The following TTL variants were observed in gnomAD, a reference collection of about 807,000 sequenced individuals.
TTL encodes the protein tubulin--tyrosine ligase.
Under a neutral mutation model 41.1 loss-of-function variants are expected in TTL, and 10 were observed. The ratio of observed to expected loss-of-function variants is 0.24; its 90% CI spans 0.15 to 0.41. The LOEUF (loss-of-function observed/expected upper bound fraction) is 0.41, where lower values mean the gene tolerates loss of function less well. TTL is among the 10% of genes least tolerant of loss of function. The probability of loss-of-function intolerance (pLI) is 1.00; values close to 1 mark genes in which losing one functional copy is unlikely to be tolerated. For missense variants in TTL, 367 were observed against 460.4 expected (o/e 0.80, Z 1.86); for synonymous variants, 175 against 175.5 (o/e 1.00, Z 0.02).
intron 6 of TTL, among the ~76,000 whole-genome samples, chr2:112,522,758 C>T (rs1055725759): frequency 3.9e-5 from 6 of 152,186 alleles, no homozygotes; most frequent in African/African-American, 1.2e-4. Context: ...AGTGATCCTG[C>T]CTCTGCCTTC....
intron 2 of TTL, among the ~76,000 whole-genome samples, chr2:112,488,635 G>A (rs1436250909): frequency 6.6e-6 from 1 of 152,032 alleles, no homozygotes; most frequent in Non-Finnish European, 1.5e-5. Context: ...GTGGGTACCT[G>A]TAATCCCAGC....
chr2:112,530,386 C>T lies in TTL; in HGVS notation c.*1591C>T, dbSNP rs981394226. The T allele has an allele frequency of 4.8e-5, 11 of 230,390 alleles. No homozygotes were observed. The highest frequency in any genetic ancestry group is 2.5e-4 in the East Asian group (4 of 16,322). 14.3% of individuals were successfully genotyped at this position (230,390 alleles called of 1,614,324 possible). ...TGGCTCTCATGGAAATTTGGAATTA[C>T]AAAATAAACGTCCTGGGGGTTACCC... is the stretch of plus-strand genomic sequence containing the variant. On this transcript the variant is annotated 3_prime_UTR_variant, in exon 7 of 7. Transcript: ENST00000233336.
chr2:112,482,512 C>T lies in TTL; in HGVS notation c.157+11C>T. 1.9e-6 allele frequency: 3 copies of T among 1,590,004 alleles called. No homozygotes were observed. Among genetic ancestry groups the T allele is most frequent in the South Asian group, 2.3e-5 (2 of 88,742 alleles). On this transcript the variant is annotated intron_variant, in intron 1 of 6. Coordinates refer to ENST00000233336, the MANE Select transcript of TTL (RefSeq NM_153712.5). This position sits in a 1 kb window ranked among gnomAD's most constrained non-coding sequence, Gnocchi z 5.3. ...CCTTCGGGAGACTGGGTGAGCCCCT[C>T]CCCGATTCCCGTCTGCCCTCCTCGG...
In TTL at chr2:112,537,451, C is replaced by G. The variant is rs2104487442; in HGVS notation, c.*8656C>G. The stretch of plus-strand genomic sequence containing the variant: ...GTGGTTCAACCAATTTACATTCCTG[C>G]CAGCAGTGTATAAGCATTCTCTTTT... On this transcript the variant is annotated 3_prime_UTR_variant, in exon 7 of 7. Transcript: ENST00000233336. 1 of 152,372 alleles carries G rather than the reference C, an allele frequency of 6.6e-6. No individual in the cohort carries two copies. Among genetic ancestry groups the G allele is most frequent in the East Asian group, 1.9e-4 (1 of 5,192 alleles). 9.4% of individuals were successfully genotyped at this position (152,372 alleles called of 1,614,324 possible). A position where few individuals can be genotyped will look rare whatever the true frequency, so the allele number is the denominator to read the frequency against.
At chr2:112,512,022 T>G (rs1251079974) in intron 5 of TTL, among the ~76,000 whole-genome samples, 1 of 152,108 alleles carries the variant, frequency 6.6e-6, no homozygotes, top group Non-Finnish European at 1.5e-5. Flanking sequence ...CTAGGTATTA[T>G]ATTCTATATT....
At chr2:112,486,950 C>T (rs1681255378) in intron 2 of TTL, among the ~76,000 whole-genome samples, 1 of 152,150 alleles carries the variant, frequency 6.6e-6, no homozygotes, top group Admixed American at 6.5e-5. Flanking sequence ...TTGTGCCCGT[C>T]TTGTTGTTCC....
chr2:112,520,912 T>G (rs1682207833), intron 6 of TTL, among the ~76,000 whole-genome samples: 1 of 152,042 alleles, frequency 6.6e-6, no homozygotes, highest in Non-Finnish European at 1.5e-5. Context: ...AGAGACCCTG[T>G]CTCAAAAGTA....
rs1294400740 is a variant in TTL at position 112,539,111 on chromosome 2, T to TG, written c.*10316_*10317insG. 1.3e-5 allele frequency: 1 copy of TG among 75,730 alleles called. No homozygotes were observed. The highest frequency in any genetic ancestry group is 2.5e-5 in the Non-Finnish European group (1 of 40,598). 4.7% of individuals were successfully genotyped at this position (75,730 alleles called of 1,614,324 possible). On this transcript the variant is annotated 3_prime_UTR_variant, in exon 7 of 7. Transcript: ENST00000233336. Reference sequence around the variant, plus strand: ...CAGCCTGGGTGACAGAGACTCTGTCTAAAAAAAAAAAAAAAAAAAAAAAAG... The same window carrying TG: ...CAGCCTGGGTGACAGAGACTCTGTCTGAAAAAAAAAAAAAAAAAAAAAAAAG...
At chr2:112,517,563 T>C (rs941081772) in intron 5 of TTL, among the ~76,000 whole-genome samples, 5 of 151,842 alleles carry the variant, frequency 3.3e-5, no homozygotes, top group Non-Finnish European at 2.9e-5. Context: ...TTTTATATTT[T>C]AGTATTTTTT....
rs1002828814 is a variant in TTL at position 112,482,529 on chromosome 2, C to T, written c.157+28C>T. The stretch of plus-strand genomic sequence containing the variant: ...GAGCCCCTCCCCGATTCCCGTCTGC[C>T]CTCCTCGGAGCGGCCCTGCGCGCCT... On this transcript the variant is annotated intron_variant, in intron 1 of 6. Coordinates refer to ENST00000233336, the MANE Select transcript of TTL (RefSeq NM_153712.5). The surrounding 1 kb of genome is among the most constrained non-coding windows in gnomAD (Gnocchi z 5.3). 1 of 1,575,354 alleles carries T rather than the reference C, an allele frequency of 6.3e-7. No homozygotes were observed. Among genetic ancestry groups the T allele is most frequent in the South Asian group, 1.1e-5 (1 of 87,504 alleles).
At chr2:112,503,483 G>C (rs564510062) in intron 5 of TTL, among the ~76,000 whole-genome samples, 4 of 148,790 alleles carry the variant, frequency 2.7e-5, no homozygotes, top group African/African-American at 9.8e-5. Flanking sequence ...GCCCAGGCTG[G>C]AGTGCAATGG....
chr2:112,495,691 C>CAA (rs1044274915), intron 3 of TTL, among the ~76,000 whole-genome samples: 1 of 152,044 alleles, frequency 6.6e-6, no homozygotes, highest in African/African-American at 2.4e-5. Flanking sequence ...ACTAAAAATA[C>CAA]AAAAAATTAG....
rs1204663445 is a variant in TTL, at chr2:112,503,071, G to A, written c.765G>A (p.Lys255=). 1.2e-5 allele frequency: 19 copies of A among 1,613,828 alleles called. No individual in the cohort carries two copies. Among genetic ancestry groups the A allele is most frequent in the Non-Finnish European group, 1.6e-5 (19 of 1,180,002 alleles). Residue 255 remains lysine (K), a synonymous_variant, in exon 5 of 7, where the codon AAG becomes AAA. Coordinates refer to ENST00000233336, the MANE Select transcript of TTL (RefSeq NM_153712.5). The part of the protein sequence containing the change: ...IQKEYSKNYG[K]YEEGNEMFFK... ...AAGAGTATTCAAAGAACTACGGGAA[G>A]TATGAAGAAGGAAATGAAATGTTCT...
chr2:112,526,797 C>T (rs1682385366), intron 6 of TTL, among the ~76,000 whole-genome samples: 1 of 152,140 alleles, frequency 6.6e-6, no homozygotes, highest in Non-Finnish European at 1.5e-5. Context: ...TTCAGTTCTG[C>T]TCTGATCTTA....
At chr2:112,491,948 C>T (rs1311478910) in intron 2 of TTL, among the ~76,000 whole-genome samples, 1 of 151,794 alleles carries the variant, frequency 6.6e-6, no homozygotes, top group Admixed American at 6.6e-5. Flanking sequence ...AGTATGCCTT[C>T]GTTTTAAATT....
chr2:112,501,643 G>GCA lies in TTL; in HGVS notation c.605+302_605+303insCA, dbSNP rs1389553018. Among the ~76,000 whole-genome samples the GCA allele has an allele frequency of 2.2e-4, 33 of 152,230 alleles. 1 individual carries two copies. Among genetic ancestry groups the GCA allele is most frequent in the South Asian group, 1.5e-3 (7 of 4,822 alleles). ...AGCACTTTGGGAGGCCAGGGTGGAT[G>GCA]GATCACCTGAGGTCAGGAGTTCGAG... is the stretch of plus-strand genomic sequence containing the variant. On this transcript the variant is annotated intron_variant, in intron 4 of 6. Coordinates refer to ENST00000233336, the MANE Select transcript of TTL (RefSeq NM_153712.5).
At chr2:112,516,460 G>A (rs1682072733) in intron 5 of TTL, among the ~76,000 whole-genome samples, 1 of 152,170 alleles carries the variant, frequency 6.6e-6, no homozygotes, top group African/African-American at 2.4e-5. Flanking sequence ...TGGATCACAA[G>A]GTCAGGAGTT....
intron 5 of TTL, among the ~76,000 whole-genome samples, chr2:112,511,739 ATT>A (rs777155120): frequency 7.8e-6 from 1 of 128,948 alleles, no homozygotes; most frequent in African/African-American, 2.9e-5. Flanking sequence ...TAATTTTTGT[ATT>A]TTTTTTTTTT....
At chr2:112,492,502 G>T (rs561904653) in intron 2 of TTL, among the ~76,000 whole-genome samples, 1 of 151,994 alleles carries the variant, frequency 6.6e-6, no homozygotes, top group African/African-American at 2.4e-5. Flanking sequence ...AGGCCGAGGC[G>T]GGTGGATCAC....
Sources: gnomAD v4.1 joint callset for allele counts (sites outside exome capture counted in the v4.1 genomes callset) on GRCh38, gnomAD v4.1.1 for gene constraint, Gnocchi (gnomAD v3.1) non-coding constraint, MANE v1.5 for transcripts, NCBI Gene and HGNC (gene_info 2026-07-23, HGNC 2026-07-21) for gene names.